The following ULK1 variants were observed in gnomAD, a reference collection of about 807,000 sequenced individuals.
ULK1 encodes the protein serine/threonine-protein kinase ULK1.
In ULK1, 48 loss-of-function variants were observed where a neutral mutation model predicts 117.5. That is an observed-to-expected ratio of 0.41 (90% CI 0.32 to 0.52). The LOEUF (loss-of-function observed/expected upper bound fraction) is 0.52. ULK1 is among the 20% of genes least tolerant of loss of function. The probability of loss-of-function intolerance (pLI) is 0.29; values close to 1 mark genes in which losing one functional copy is unlikely to be tolerated. For missense variants in ULK1, 1,387 were observed against 1,473.4 expected (o/e 0.94, Z 0.96); for synonymous variants, 790 against 637.8 (o/e 1.24, Z -3.60).
intron 14 of ULK1, among the ~76,000 whole-genome samples, 174 bp from the exon 15 acceptor site, chr12:131,913,573 C>T (rs1273643637): frequency 1.3e-5 from 2 of 151,650 alleles, no homozygotes. Flanking sequence ...GGCGTGGTGG[C>T]ACATGCCTGT....
At chr12:131,908,586 G>A (rs1021552287) in intron 5 of ULK1, 58 bp from the exon 6 acceptor site, 3 of 1,425,452 alleles carry the variant, frequency 2.1e-6, no homozygotes, top group African/African-American at 2.9e-5. Flanking sequence ...GGCTGCGCGG[G>A]ACTCACCCCT....
chr12:131,910,438 A>T, intron 11 of ULK1, 134 bp downstream of exon 11: 1 of 1,405,716 alleles, frequency 7.1e-7, no homozygotes. Context: ...GGAGGGCAGG[A>T]CACCCGGCTC....
intron 14 of ULK1, 52 bp downstream of exon 14, chr12:131,913,310 T>C (rs1889624113): frequency 1.6e-5 from 24 of 1,479,428 alleles, no homozygotes; most frequent in Non-Finnish European, 2.1e-5. Context: ...ACTGTGGCCT[T>C]GGAAGTGGCC....
chr12:131,906,475 G>A (rs1718990616), intron 3 of ULK1: 2 of 174,514 alleles, frequency 1.1e-5, no homozygotes, highest in South Asian at 2.7e-4. Flanking sequence ...ACCCACCTTG[G>A]CCTCCCACAG....
chr12:131,920,272 G>A (rs192371050), intron 26 of ULK1, 136 bp downstream of exon 26: 52 of 1,188,220 alleles, frequency 4.4e-5, no homozygotes, highest in Non-Finnish European at 5.9e-5. Context: ...TGAAATGACA[G>A]CATTATGCAC....
chr12:131,906,539 C>G (rs990050895), intron 3 of ULK1: 6 of 296,616 alleles, frequency 2.0e-5, no homozygotes, highest in Admixed American at 4.7e-5. Flanking sequence ...CGTCTTTGAT[C>G]CTGGGCTGAG....
Position 131,922,380 on chromosome 12 carries a change from T to A in ULK1, c.*1019T>A, listed in dbSNP as rs1171755557. ...GCCCAGCACCCTCCCTACCTGGGCC[T>A]GGAAGCAGATGAGGGGAATACTTCA... On this transcript the variant is annotated 3_prime_UTR_variant, in exon 28 of 28. Coordinates refer to ENST00000321867, the MANE Select transcript of ULK1 (RefSeq NM_003565.4). 4.2e-6 allele frequency: 1 copy of A among 238,398 alleles called. No individual in the cohort carries two copies. The highest frequency in any genetic ancestry group is 4.3e-5 in the South Asian group (1 of 23,264). The allele number at this position is 238,398 out of a possible 1,614,324, so 14.8% of individuals were successfully genotyped here.
Position 131,918,514 on chromosome 12 carries a change from G to T in ULK1, c.2344G>T (p.Ala782Ser), listed in dbSNP as rs1425444511. ...CCCTGCAGCGGGCCCCACTGGCTCT[G>T]CCAGCTCTTCTGCCCGCCACCTGGT... ...RMFSAGPTGS[A>S]SSSARHLVPG... Residue 782 changes from alanine to serine, a missense_variant, in exon 23 of 28, where the codon GCC becomes TCC. Transcript: ENST00000321867. The T allele has an allele frequency of 1.4e-5, 22 of 1,610,150 alleles. No homozygotes were observed. Among genetic ancestry groups the T allele is most frequent in the Non-Finnish European group, 1.8e-5 (21 of 1,178,904 alleles).
intron 23 of ULK1, 141 bp from the exon 24 acceptor site, chr12:131,919,071 T>C (rs1890027304): frequency 1.1e-6 from 1 of 891,476 alleles, no homozygotes; most frequent in African/African-American, 1.7e-5. Context: ...GTGTCGGGCG[T>C]GGCACATCCC....
At chr12:131,913,338 G>A (rs1889625436) in intron 14 of ULK1, 80 bp downstream of exon 14, 3 of 1,376,222 alleles carry the variant, frequency 2.2e-6, no homozygotes, top group Non-Finnish European at 2.9e-6. Flanking sequence ...TTTACAATGA[G>A]CCGAGATCGC....
intron 5 of ULK1, 26 bp from the exon 6 acceptor site, chr12:131,908,618 A>G (rs1450749645): frequency 5.5e-6 from 8 of 1,451,942 alleles, no homozygotes; most frequent in Admixed American, 2.7e-5. Context: ...CACGGCCCCC[A>G]GGCCCTGAGC....
Position 131,915,240 on chromosome 12 carries a change from G to A in ULK1, c.1522+9G>A. ...CACGCCATCTCCTCAAGGTGCGCCT[G>A]CAGGCTGGGGCCTGGGAAGGGGCGT... On this transcript the variant is annotated intron_variant, in intron 17 of 27. Coordinates refer to ENST00000321867, the MANE Select transcript of ULK1 (RefSeq NM_003565.4). 6.2e-7 allele frequency: 1 copy of A among 1,603,352 alleles called. No homozygotes were observed. Among genetic ancestry groups the A allele is most frequent in the East Asian group, 2.2e-5 (1 of 44,738 alleles).
rs775255476 is a variant in ULK1, at chr12:131,919,220, C to T, written c.2520C>T (p.His840=). The change falls in exon 24 of 28, where the codon CAC becomes CAT. Residue 840 remains histidine (H), a synonymous_variant. Coordinates refer to ENST00000321867, the MANE Select transcript of ULK1 (RefSeq NM_003565.4). The part of the protein sequence containing the change: ...LPEETLMEQE[H]TEILRGLRFT... ...ACGGCCGCTTCCTGCAGCAAGAGCACACGGAGATCCTGCGTGGCCTGCGCT... is the reference window on the plus strand; with the variant it reads ...ACGGCCGCTTCCTGCAGCAAGAGCATACGGAGATCCTGCGTGGCCTGCGCT... 97 of 1,594,600 alleles carry T rather than the reference C, an allele frequency of 6.1e-5. No individual in the cohort carries two copies. Among genetic ancestry groups the T allele is most frequent in the Non-Finnish European group, 7.6e-5 (90 of 1,176,604 alleles).
At position 131,921,436 on chromosome 12, in the gene ULK1, G is replaced by A. The variant is rs139770549; in HGVS notation, c.*75G>A. 2.7e-4 allele frequency: 436 copies of A among 1,589,862 alleles called. 1 individual carries two copies. In the East Asian group the frequency reaches 9.0e-3, roughly 33 times the overall value. On this transcript the variant is annotated 3_prime_UTR_variant, in exon 28 of 28. Transcript: ENST00000321867. ...GCTCTGTGTGCTGGCTGGACTCCTC[G>A]GGACAAGCCCATGGCGCTGATCGCT...
intron 3 of ULK1, among the ~76,000 whole-genome samples, chr12:131,899,102 C>T (rs541296571): frequency 1.3e-5 from 2 of 151,382 alleles, no homozygotes; most frequent in Non-Finnish European, 2.9e-5. Flanking sequence ...TGATCTTGAA[C>T]GCCGGACCTC....
At chr12:131,915,481 A>C (rs893944335) in intron 18 of ULK1, 60 bp downstream of exon 18, 2 of 1,575,242 alleles carry the variant, frequency 1.3e-6, no homozygotes, top group East Asian at 4.5e-5. Context: ...TCACGTTGTC[A>C]TCCTGGTCTA....
In ULK1 at chr12:131,913,226, C is replaced by T. The variant is rs777925271; in HGVS notation, c.1125C>T (p.Ala375=). Reference sequence around the variant, plus strand: ...ACCTGGTGGCTGAGGCGCCCAGTGCCAAACCCCCGCCAGACAGCCTGATGT... The same window carrying T: ...ACCTGGTGGCTGAGGCGCCCAGTGCTAAACCCCCGCCAGACAGCCTGATGT... The part of the protein sequence containing the change: ...PGDLVAEAPS[A]KPPPDSLMCS... Residue 375 remains alanine, a synonymous_variant, in exon 14 of 28, where the codon GCC becomes GCT. Transcript: ENST00000321867. 1.3e-6 allele frequency: 2 copies of T among 1,591,786 alleles called. No homozygotes were observed. Among genetic ancestry groups the T allele is most frequent in the South Asian group, 2.3e-5 (2 of 88,538 alleles).
In ULK1 at chr12:131,916,016, G is replaced by A. The variant is rs936301668; in HGVS notation, c.1735G>A (p.Gly579Arg). ...KLPKPPTDPL[G>R]AVFSPPQASP... ...GCCCAAACCCCCCACGGACCCCCTG[G>A]GAGCTGTGTTCAGCCCACCACAGGC... Residue 579 changes from glycine to arginine, a missense_variant, in exon 19 of 28, where the codon GGA (glycine) becomes AGA (arginine). By Grantham distance (125) the Gly-to-Arg change is moderately radical. Coordinates refer to ENST00000321867, the MANE Select transcript of ULK1 (RefSeq NM_003565.4). 1.9e-6 allele frequency: 3 copies of A among 1,611,800 alleles called. No homozygotes were observed. Among genetic ancestry groups the A allele is most frequent in the African/African-American group, 1.3e-5 (1 of 74,786 alleles).
At chr12:131,917,084 G>GGAGGCTGTGGGATGGGGCTC (rs1889833266) in intron 21 of ULK1, 22 bp downstream of exon 21, 3 of 1,442,176 alleles carry the variant, frequency 2.1e-6, no homozygotes, top group Non-Finnish European at 1.9e-6. Flanking sequence ...GGTGGGGCTC[G>GGAGGCTGTGGGATGGGGCTC]GAGGCTGTGG....
Sources: allele counts gnomAD v4.1 joint callset (sites outside exome capture counted in the v4.1 genomes callset), GRCh38; gene constraint gnomAD v4.1.1; transcripts MANE v1.5; gene names NCBI Gene and HGNC (gene_info 2026-07-23, HGNC 2026-07-21).